Variants in DLEC1 observed in about 807,000 individuals in gnomAD.
DLEC1 encodes the protein DLEC1 cilia and flagella associated protein, also known as deleted in lung and esophageal cancer protein 1.
Under a neutral mutation model 198.1 loss-of-function variants are expected in DLEC1, and 146 were observed. That is an observed-to-expected ratio of 0.74 (90% CI 0.64 to 0.85). The LOEUF (loss-of-function observed/expected upper bound fraction) is 0.85, where lower values mean the gene tolerates loss of function less well. DLEC1 is among the 40% of genes least tolerant of loss of function. The pLI is 0.00. For synonymous variants in DLEC1, 897 were observed against 866.8 expected (o/e 1.03, Z -0.61); for missense variants, 2,233 against 2,220.0 (o/e 1.01, Z -0.12).
chr3:38,061,459 G>T (rs548876413), intron 3 of DLEC1, among the ~76,000 whole-genome samples: 92 of 152,266 alleles, frequency 6.0e-4, no homozygotes, highest in African/African-American at 2.1e-3. Flanking sequence ...AGGATTACAG[G>T]CATGAGCCAC....
chr3:38,098,037 C>T (rs1699125514), intron 18 of DLEC1, 135 bp downstream of exon 18: 1 of 1,089,318 alleles, frequency 9.2e-7, no homozygotes, highest in Non-Finnish European at 1.3e-6. Context: ...GTGACTTCGG[C>T]CTGGCGGTGC....
intron 19 of DLEC1, chr3:38,103,383 G>A (rs531906095): frequency 6.6e-6 from 1 of 152,404 alleles, no homozygotes; most frequent in Non-Finnish European, 1.5e-5. Context: ...CCATCATTAA[G>A]GATTGCATTG....
At chr3:38,051,277 G>A (rs956888168) in intron 2 of DLEC1, among the ~76,000 whole-genome samples, 4 of 152,156 alleles carry the variant, frequency 2.6e-5, no homozygotes, top group African/African-American at 4.8e-5. Context: ...TCTTCTGTTC[G>A]GGCGCTGGTG....
At chr3:38,055,390 A>T (rs1696303548) in intron 2 of DLEC1, among the ~76,000 whole-genome samples, 1 of 152,224 alleles carries the variant, frequency 6.6e-6, no homozygotes, top group Non-Finnish European at 1.5e-5. Context: ...CACAAATTAC[A>T]GAGAGCAGAT....
intron 6 of DLEC1, 152 bp from the exon 7 acceptor site, chr3:38,084,006 C>A (rs190980956): frequency 3.3e-6 from 2 of 604,616 alleles, no homozygotes; most frequent in African/African-American, 3.7e-5. Context: ...TCCCCATGTA[C>A]CCCTCAGCCA....
chr3:38,055,296 G>A (rs1041393677), intron 2 of DLEC1, among the ~76,000 whole-genome samples: 17 of 152,188 alleles, frequency 1.1e-4, no homozygotes, highest in African/African-American at 3.6e-4. Flanking sequence ...GAAGCAGGAA[G>A]CACAGAAATC....
intron 9 of DLEC1, 105 bp downstream of exon 9, chr3:38,086,482 C>T (rs183947703): frequency 4.0e-5 from 57 of 1,438,408 alleles, no homozygotes; most frequent in Admixed American, 9.0e-5. Context: ...ACACACAGAA[C>T]GCAGAGTGTT....
At position 38,122,715 on chromosome 3, in the gene DLEC1, T is replaced by TA. The variant is rs1700555868; in HGVS notation, c.*306dup. ...TGGAAAAAAACCACAGCCACTAAGA[T>TA]AAATTCATGCACTTTTACTATGCCC... On this transcript the variant is annotated 3_prime_UTR_variant, in exon 37 of 37. Transcript: ENST00000308059. 7.3e-7 allele frequency: 1 copy of TA among 1,373,440 alleles called. No homozygotes were observed. The highest frequency in any genetic ancestry group is 1.5e-5 in the South Asian group (1 of 65,562). 85.1% of individuals were successfully genotyped at this position (1,373,440 alleles called of 1,614,324 possible).
chr3:38,068,283 G>A (rs1559413039), intron 6 of DLEC1, among the ~76,000 whole-genome samples: 1 of 151,884 alleles, frequency 6.6e-6, no homozygotes, highest in Non-Finnish European at 1.5e-5. Context: ...AGGCTGGAGT[G>A]CAGTGGCATG....
At chr3:38,073,639 G>A (rs753230699) in intron 6 of DLEC1, among the ~76,000 whole-genome samples, 3 of 152,156 alleles carry the variant, frequency 2.0e-5, no homozygotes, top group Non-Finnish European at 4.4e-5. Flanking sequence ...CCTAATAAGG[G>A]AACTGGGCAG....
At chr3:38,040,951 C>T (rs1207306195) in intron 1 of DLEC1, among the ~76,000 whole-genome samples, 1 of 151,976 alleles carries the variant, frequency 6.6e-6, no homozygotes, top group East Asian at 1.9e-4. Flanking sequence ...CTGATCCTCC[C>T]TCCTCAGCAT....
At chr3:38,067,238 T>G (rs116587826) in intron 6 of DLEC1, among the ~76,000 whole-genome samples, 2 of 152,206 alleles carry the variant, frequency 1.3e-5, no homozygotes, top group Non-Finnish European at 2.9e-5. Context: ...GTTCAAATTT[T>G]CAGTCTTTAA....
At chr3:38,087,376 C>T (rs1157254619) in intron 9 of DLEC1, among the ~76,000 whole-genome samples, 2 of 133,194 alleles carry the variant, frequency 1.5e-5, no homozygotes, top group African/African-American at 5.2e-5. Flanking sequence ...TCAGCACTGA[C>T]ACCATCCATC....
Position 38,100,437 on chromosome 3 carries a change from G to A in DLEC1, c.2864+12G>A, listed in dbSNP as rs756353653. ...AATGGTGCCTGGAGGTAAGGGTGCC[G>A]TGGGAAGAGCCACTACAACAAACTA... On this transcript the variant is annotated intron_variant, in intron 19 of 36. Transcript: ENST00000308059. 49 of 1,605,768 alleles carry A rather than the reference G, an allele frequency of 3.1e-5. No individual in the cohort carries two copies. The highest frequency in any genetic ancestry group is 1.1e-4 in the African/African-American group (8 of 74,616).
chr3:38,097,963 G>T, intron 18 of DLEC1, 61 bp downstream of exon 18: 1 of 1,601,520 alleles, frequency 6.2e-7, no homozygotes, highest in Non-Finnish European at 8.5e-7. Flanking sequence ...AGCTTGCCCT[G>T]GTGAAACTTG....
At chr3:38,095,758 C>G (rs1378038051) in intron 13 of DLEC1, 130 bp from the exon 14 acceptor site, 7 of 1,184,024 alleles carry the variant, frequency 5.9e-6, no homozygotes, top group Non-Finnish European at 8.6e-6. Context: ...GGGAAGCAAC[C>G]CTGGGTTTTC....
chr3:38,039,791 A>T (rs1007724135), intron 1 of DLEC1, among the ~76,000 whole-genome samples, 155 bp downstream of exon 1: 1 of 152,176 alleles, frequency 6.6e-6, no homozygotes, highest in African/African-American at 2.4e-5. Flanking sequence ...ATTCTAGTGG[A>T]AGGACGCTCT....
rs973620002 is a variant in DLEC1 at position 38,059,813 on chromosome 3, T to C, written c.634T>C (p.Tyr212His). The C allele has an allele frequency of 6.2e-7, 1 of 1,614,164 alleles. No homozygotes were observed. Among genetic ancestry groups the C allele is most frequent in the South Asian group, 1.1e-5 (1 of 91,074 alleles). Reference protein sequence around the residue: ...RKHHLISPEDYYTDTVPFHSA... With the variant: ...RKHHLISPEDHYTDTVPFHSA... ...ACATCATTTGATCTCCCCAGAAGATTACTACACCGATACAGTGCCGTTTCA... is the reference window on the plus strand; with the variant it reads ...ACATCATTTGATCTCCCCAGAAGATCACTACACCGATACAGTGCCGTTTCA... Residue 212 changes from tyrosine to histidine, a missense_variant, in exon 3 of 37, where the codon TAC becomes CAC. Physicochemically the swap from Tyr to His is moderately conservative, Grantham distance 83. Transcript: ENST00000308059.
intron 6 of DLEC1, among the ~76,000 whole-genome samples, chr3:38,068,203 A>G (rs1226311008): frequency 1.3e-5 from 2 of 152,002 alleles, no homozygotes; most frequent in African/African-American, 2.4e-5. Flanking sequence ...GATTCAAGGG[A>G]AGATATGTAG....
Sources: allele counts gnomAD v4.1 joint callset (sites outside exome capture counted in the v4.1 genomes callset), GRCh38; gene constraint gnomAD v4.1.1; transcripts MANE v1.5; gene names NCBI Gene and HGNC (gene_info 2026-07-23, HGNC 2026-07-21).